Variants in YEATS2 observed in about 807,000 individuals in gnomAD.
YEATS2 encodes YEATS domain-containing protein 2.
Under a neutral mutation model 163.2 loss-of-function variants are expected in YEATS2, and 77 were observed. The observed-to-expected ratio is 0.47, with a 90% CI of 0.39 to 0.57. YEATS2 has a LOEUF of 0.57. YEATS2 is among the 20% of genes least tolerant of loss of function. The pLI is 0.00. For synonymous variants in YEATS2, 631 were observed against 645.1 expected, an observed-to-expected ratio of 0.98 and a Z score of 0.33; for missense variants, 1,549 against 1,729.8, an observed-to-expected ratio of 0.90 and a Z score of 1.85.
At chr3:183,755,966 G>A (rs924505769) in intron 11 of YEATS2, among the ~76,000 whole-genome samples, 1 of 151,748 alleles carries the variant, frequency 6.6e-6, no homozygotes, top group Non-Finnish European at 1.5e-5. Context: ...GGCTGGTCTC[G>A]AACTCACAAC....
chr3:183,712,800 G>T (rs1437650849), intron 1 of YEATS2, among the ~76,000 whole-genome samples: 1 of 145,522 alleles, frequency 6.9e-6, no homozygotes, highest in Non-Finnish European at 1.5e-5. Context: ...TGCTCTTGTT[G>T]CCCAGGCCGG....
At chr3:183,701,025 CTT>C (rs1278756846) in intron 1 of YEATS2, among the ~76,000 whole-genome samples, 18 of 150,154 alleles carry the variant, frequency 1.2e-4, no homozygotes, top group African/African-American at 4.2e-4. Flanking sequence ...GAATTGCACT[CTT>C]TTAACTGGTG....
intron 9 of YEATS2, among the ~76,000 whole-genome samples, 180 bp from the exon 10 acceptor site, chr3:183,751,893 G>C (rs1349674569): frequency 6.6e-6 from 1 of 152,216 alleles, no homozygotes; most frequent in Non-Finnish European, 1.5e-5. Flanking sequence ...GTATGTGTCT[G>C]TTAAGCCAGA....
intron 9 of YEATS2, among the ~76,000 whole-genome samples, chr3:183,750,304 C>T (rs79402659): frequency 0.028 from 4,258 of 152,268 alleles, 92 homozygotes; most frequent in Middle Eastern, 0.048. Context: ...TATGTATATA[C>T]CACATTTTGT....
chr3:183,805,811 C>T (rs998737106), intron 27 of YEATS2, among the ~76,000 whole-genome samples: 1 of 151,932 alleles, frequency 6.6e-6, no homozygotes, highest in African/African-American at 2.4e-5. Context: ...GGGGCAAGTC[C>T]CAGTTTTGCC....
At chr3:183,765,852 C>T (rs964517190) in intron 15 of YEATS2, among the ~76,000 whole-genome samples, 3 of 151,462 alleles carry the variant, frequency 2.0e-5, no homozygotes, top group Admixed American at 6.6e-5. Flanking sequence ...GAGGCTGAGG[C>T]AGGAGAATTG....
chr3:183,752,698 GACT>G (rs1358278837), intron 10 of YEATS2, among the ~76,000 whole-genome samples: 1 of 128,314 alleles, frequency 7.8e-6, no homozygotes, highest in Non-Finnish European at 1.6e-5. Flanking sequence ...AACAGAGCGA[GACT>G]CCATCTCAAA....
At chr3:183,717,884 G>A (rs1291285917) in intron 3 of YEATS2, 136 bp downstream of exon 3, 5 of 393,820 alleles carry the variant, frequency 1.3e-5, no homozygotes, top group African/African-American at 2.4e-5. Flanking sequence ...TTTTTAAATA[G>A]CTTTCATGTT....
At chr3:183,744,904 G>T (rs144565895) in intron 8 of YEATS2, among the ~76,000 whole-genome samples, 3,628 of 152,150 alleles carry the variant, frequency 0.024, 151 homozygotes, top group African/African-American at 0.083. Context: ...AGGCTGGAGT[G>T]CAGTGGCGCA....
intron 8 of YEATS2, among the ~76,000 whole-genome samples, chr3:183,744,572 G>A (rs960580215): frequency 1.8e-4 from 28 of 152,104 alleles, no homozygotes; most frequent in Admixed American, 1.7e-3. Flanking sequence ...AAGATTATTG[G>A]AGACAAGTGT....
intron 9 of YEATS2, among the ~76,000 whole-genome samples, chr3:183,750,807 G>C (rs1720079874): frequency 6.6e-6 from 1 of 152,104 alleles, no homozygotes. Flanking sequence ...TTTTGTTGTT[G>C]CTAAGTGACA....
intron 8 of YEATS2, among the ~76,000 whole-genome samples, chr3:183,743,055 CAT>C (rs895122043): frequency 1.3e-5 from 2 of 152,152 alleles, no homozygotes; most frequent in Admixed American, 1.3e-4. Context: ...ATAGTATAAA[CAT>C]AATTTTTATA....
intron 1 of YEATS2, among the ~76,000 whole-genome samples, chr3:183,703,102 G>A (rs529275013): frequency 2.6e-5 from 4 of 152,120 alleles, no homozygotes; most frequent in African/African-American, 7.2e-5. Flanking sequence ...TAATGAGACA[G>A]TGTTTTTGAG....
At chr3:183,793,757 C>T (rs768038592) in intron 21 of YEATS2, among the ~76,000 whole-genome samples, 4 of 152,052 alleles carry the variant, frequency 2.6e-5, no homozygotes, top group South Asian at 2.1e-4. Context: ...GGATTATAGG[C>T]GTGTGCCACC....
chr3:183,779,802 A>G (rs1266732082), intron 19 of YEATS2, among the ~76,000 whole-genome samples: 1 of 151,752 alleles, frequency 6.6e-6, no homozygotes, highest in Non-Finnish European at 1.5e-5. Context: ...GGTTCAAGCA[A>G]TTCTCCTGCC....
Position 183,772,603 on chromosome 3 carries a change from T to C in YEATS2, c.2206+40T>C, listed in dbSNP as rs546493869. 7 of 1,606,648 alleles carry C rather than the reference T, an allele frequency of 4.4e-6. No individual in the cohort carries two copies. The African/African-American group carries it at 8.0e-5, about 18-fold the overall frequency. On this transcript the variant is annotated intron_variant, in intron 16 of 30. Transcript: ENST00000305135. ...CACTGGGAGCCCTTTCAGCAGAAGC[T>C]CTGTCCAAAATTTCCTTTGCTAGTG... is the stretch of plus-strand genomic sequence containing the variant.
intron 15 of YEATS2, among the ~76,000 whole-genome samples, chr3:183,764,701 G>A (rs1721727063): frequency 6.6e-6 from 1 of 152,098 alleles, no homozygotes; most frequent in Non-Finnish European, 1.5e-5. Flanking sequence ...CAGCTACTCG[G>A]GAGGCTGAGG....
Position 183,773,623 on chromosome 3 carries a change from A to G in YEATS2, c.2207-10A>G, listed in dbSNP as rs774217190. Reference sequence around the variant, plus strand: ...TTTATCTTACAATTTTTTCTCCTTTACCATTTTAGTAATGGCAACGTTGCA... The same window carrying G: ...TTTATCTTACAATTTTTTCTCCTTTGCCATTTTAGTAATGGCAACGTTGCA... On this transcript the variant is annotated splice_polypyrimidine_tract_variant and intron_variant, in intron 16 of 30. Transcript: ENST00000305135. 2.9e-5 allele frequency: 46 copies of G among 1,589,866 alleles called. No homozygotes were observed. Among genetic ancestry groups the G allele is most frequent in the Middle Eastern group, 1.7e-4 (1 of 5,984 alleles).
Position 183,800,479 on chromosome 3 carries a change from A to G in YEATS2, c.3339A>G (p.Pro1113=). Residue 1113 remains proline, a synonymous_variant, in exon 24 of 31, where the codon CCA becomes CCG. Transcript: ENST00000305135. ...PAAVAKVKTE[P]ETPGPSCLSQ... is the part of the protein sequence containing the mutation. ...CTTCCCTTGTAGTGAAGACTGAACC[A>G]GAAACACCTGGACCGAGTTGCCTCT... The G allele has an allele frequency of 1.9e-6, 3 of 1,614,088 alleles. No homozygotes were observed. Among genetic ancestry groups the G allele is most frequent in the Non-Finnish European group, 1.7e-6 (2 of 1,179,946 alleles).
Sources: gnomAD v4.1 joint callset for allele counts (sites outside exome capture counted in the v4.1 genomes callset) on GRCh38, gnomAD v4.1.1 for gene constraint, MANE v1.5 for transcripts, NCBI Gene and HGNC (gene_info 2026-07-23, HGNC 2026-07-21) for gene names.